Variants in DPP6 observed in about 807,000 individuals in gnomAD.
The protein encoded by DPP6 is A-type potassium channel modulatory protein DPP6.
In DPP6, 69 loss-of-function variants were observed where a neutral mutation model predicts 122.6. The observed-to-expected ratio is 0.56, with a 90% CI of 0.46 to 0.69. The LOEUF (loss-of-function observed/expected upper bound fraction) is 0.69. Ranked by LOEUF, DPP6 falls within the 30% of genes least tolerant of loss-of-function variation. The pLI, the probability that DPP6 is intolerant of heterozygous loss-of-function variation, is 0.00. For missense variants in DPP6, 928 were observed against 1,116.9 expected (o/e 0.83, Z 2.41); for synonymous variants, 418 against 433.1 (o/e 0.97, Z 0.43).
chr7:154,400,002 G>A (rs1815428849), intron 1 of DPP6, among the ~76,000 whole-genome samples: 1 of 152,210 alleles, frequency 6.6e-6, no homozygotes, highest in Non-Finnish European at 1.5e-5. Context: ...GCTGAGAGGT[G>A]CACCTTGGAG....
intron 6 of DPP6, among the ~76,000 whole-genome samples, chr7:154,660,369 T>A: frequency 6.8e-6 from 1 of 146,192 alleles, no homozygotes; most frequent in East Asian, 2.4e-4. Flanking sequence ...GTAGTGTTCA[T>A]ATAGTCATGG....
At chr7:154,420,139 C>T (rs976102134) in intron 1 of DPP6, among the ~76,000 whole-genome samples, 4 of 152,192 alleles carry the variant, frequency 2.6e-5, no homozygotes, top group Non-Finnish European at 5.9e-5. Flanking sequence ...GAGTTTGAGA[C>T]TAGCCTGGCC....
intron 1 of DPP6, among the ~76,000 whole-genome samples, chr7:154,374,395 T>C (rs1223128871): frequency 6.6e-6 from 1 of 152,114 alleles, no homozygotes; most frequent in Non-Finnish European, 1.5e-5. Context: ...ACGTGAGCCA[T>C]TTTAAGGAAA....
chr7:153,852,071 T>G, the DPP6 span, among the ~76,000 whole-genome samples: 5 of 152,252 alleles, frequency 3.3e-5, no homozygotes, highest in East Asian at 9.7e-4. Context: ...GCCTTTGGAG[T>G]TTGTTATTTC....
intron 1 of DPP6, among the ~76,000 whole-genome samples, chr7:153,952,176 G>A (rs1802249527): frequency 6.6e-6 from 1 of 152,220 alleles, no homozygotes; most frequent in Non-Finnish European, 1.5e-5. Flanking sequence ...CCCAGCTCCT[G>A]TTAGCCTTTG....
chr7:154,051,703 G>T (rs1800332283), upstream of DPP6, among the ~76,000 whole-genome samples: 1 of 151,144 alleles, frequency 6.6e-6, no homozygotes, highest in Non-Finnish European at 1.5e-5. Context: ...ATGGAGTCGC[G>T]GTCACAGCCG....
intron 1 of DPP6, among the ~76,000 whole-genome samples, chr7:154,003,647 T>C (rs6464380): frequency 0.22 from 32,158 of 149,270 alleles, 4,593 homozygotes; most frequent in African/African-American, 0.44. Flanking sequence ...GACTATTCCT[T>C]CTGAATATTG....
chr7:154,517,883 A>G (rs1335283019), intron 3 of DPP6, among the ~76,000 whole-genome samples: 1 of 152,194 alleles, frequency 6.6e-6, no homozygotes, highest in Non-Finnish European at 1.5e-5. Context: ...AATTTTCAAC[A>G]TCGTTTACCC....
At chr7:154,670,871 G>A (rs1477887754) in intron 7 of DPP6, among the ~76,000 whole-genome samples, 1 of 152,150 alleles carries the variant, frequency 6.6e-6, no homozygotes, top group Non-Finnish European at 1.5e-5. Flanking sequence ...CAAGAAGATC[G>A]AGGCGGTGAA....
At chr7:153,839,286 A>G in the DPP6 span, among the ~76,000 whole-genome samples, 2 of 152,216 alleles carry the variant, frequency 1.3e-5, no homozygotes, top group Non-Finnish European at 2.9e-5. Flanking sequence ...TCATCTTTTA[A>G]TTTGGTGGGT....
the DPP6 span, among the ~76,000 whole-genome samples, chr7:153,801,279 A>C: frequency 6.8e-6 from 1 of 146,010 alleles, no homozygotes; most frequent in African/African-American, 2.6e-5. Flanking sequence ...ACTCATGAGA[A>C]GGAATCAAGG....
chr7:154,337,942 GC>G (rs1809575731), intron 1 of DPP6, among the ~76,000 whole-genome samples: 1 of 152,190 alleles, frequency 6.6e-6, no homozygotes, highest in Non-Finnish European at 1.5e-5. Context: ...TCAGCTCTCG[GC>G]CCGTGTGGCA....
intron 1 of DPP6, among the ~76,000 whole-genome samples, chr7:154,318,581 A>G (rs946602074): frequency 1.3e-5 from 2 of 152,218 alleles, no homozygotes; most frequent in African/African-American, 4.8e-5. Flanking sequence ...CTTGACTGAT[A>G]CTTGTTGAGC....
intron 3 of DPP6, among the ~76,000 whole-genome samples, chr7:154,484,913 C>T (rs919356333): frequency 2.0e-5 from 3 of 152,062 alleles, no homozygotes; most frequent in African/African-American, 7.2e-5. Flanking sequence ...ACTTGATTTC[C>T]ATATGTGCTT....
At chr7:154,703,392 G>A (rs1176083653) in intron 7 of DPP6, among the ~76,000 whole-genome samples, 1 of 152,194 alleles carries the variant, frequency 6.6e-6, no homozygotes, top group Non-Finnish European at 1.5e-5. Context: ...GCCGAGGCAG[G>A]CAGATTACCT....
chr7:154,803,157 C>G (rs1348964170), intron 13 of DPP6, among the ~76,000 whole-genome samples: 1 of 152,208 alleles, frequency 6.6e-6, no homozygotes, highest in African/African-American at 2.4e-5. Context: ...GGGCCCTCCA[C>G]CTAGTTTAAT....
At chr7:154,292,285 G>C (rs1013875194) in intron 1 of DPP6, among the ~76,000 whole-genome samples, 6 of 152,084 alleles carry the variant, frequency 3.9e-5, no homozygotes, top group East Asian at 1.9e-4. Context: ...TTTCACCCTA[G>C]TGACTGTTCT....
At chr7:154,614,855 A>G (rs1834133475) in intron 5 of DPP6, among the ~76,000 whole-genome samples, 1 of 152,256 alleles carries the variant, frequency 6.6e-6, no homozygotes, top group Non-Finnish European at 1.5e-5. Context: ...AAAAGAGGCC[A>G]AGTATGTCAA....
At chr7:153,868,330 C>G in the DPP6 span, among the ~76,000 whole-genome samples, 1 of 152,036 alleles carries the variant, frequency 6.6e-6, no homozygotes, top group South Asian at 2.1e-4. Flanking sequence ...AATTTCAGAG[C>G]CTGTTATTGG....
Sources: allele counts gnomAD v4.1 joint callset (sites outside exome capture counted in the v4.1 genomes callset), GRCh38; gene constraint gnomAD v4.1.1; transcripts MANE v1.5; gene names NCBI Gene and HGNC (gene_info 2026-07-23, HGNC 2026-07-21).